Variants in PID1 observed in about 807,000 individuals in gnomAD.
PID1 encodes phosphotyrosine interaction domain containing 1, also known as PTB-containing, cubilin and LRP1-interacting protein.
PID1 carries 10 observed loss-of-function variants against 19.1 expected under a neutral mutation model. The observed-to-expected ratio is 0.52, with a 90% CI of 0.32 to 0.89. The LOEUF (loss-of-function observed/expected upper bound fraction) is 0.89, where lower values mean the gene tolerates loss of function less well. Ranked by LOEUF, PID1 falls within the 40% of genes least tolerant of loss-of-function variation. PID1 has a pLI of 0.03. For missense variants in PID1, 248 were observed against 285.3 expected (o/e 0.87, Z 0.94); for synonymous variants, 130 against 116.0 (o/e 1.12, Z -0.78).
At chr2:229,083,140 T>A (rs908818216) in intron 2 of PID1, among the ~76,000 whole-genome samples, 14 of 152,220 alleles carry the variant, frequency 9.2e-5, no homozygotes, top group African/African-American at 3.1e-4. Flanking sequence ...AGGAACAATC[T>A]TTTCCCTGCT....
chr2:229,099,536 G>C (rs1317409995), intron 2 of PID1, among the ~76,000 whole-genome samples: 1 of 152,106 alleles, frequency 6.6e-6, no homozygotes, highest in East Asian at 1.9e-4. Flanking sequence ...TATTTGATTA[G>C]AACTTGGGGT....
intron 2 of PID1, among the ~76,000 whole-genome samples, chr2:229,116,072 A>C (rs1695405958): frequency 6.6e-6 from 1 of 151,958 alleles, no homozygotes; most frequent in Admixed American, 6.6e-5. Flanking sequence ...AAATACAAAA[A>C]AAAAATTAGC....
At chr2:229,026,756 T>C (rs781459340) in intron 2 of PID1, among the ~76,000 whole-genome samples, 1 of 152,218 alleles carries the variant, frequency 6.6e-6, no homozygotes, top group Non-Finnish European at 1.5e-5. Flanking sequence ...CATCTGTTGA[T>C]CTGATAATAA....
intron 2 of PID1, among the ~76,000 whole-genome samples, chr2:229,079,903 T>C (rs1204545950): frequency 6.6e-6 from 1 of 152,122 alleles, no homozygotes; most frequent in East Asian, 1.9e-4. Flanking sequence ...GTTGAAGCCA[T>C]GGCAGGGGAG....
intron 1 of PID1, among the ~76,000 whole-genome samples, chr2:229,266,839 A>G (rs1349201564): frequency 6.6e-6 from 1 of 152,256 alleles, no homozygotes; most frequent in East Asian, 1.9e-4. Context: ...GCAGGTTACT[A>G]GTATCTTCCC....
chr2:229,161,810 G>A (rs1171782325), intron 1 of PID1, among the ~76,000 whole-genome samples: 1 of 152,224 alleles, frequency 6.6e-6, no homozygotes, highest in African/African-American at 2.4e-5. Context: ...CTGGATAACA[G>A]AGTCCTATAT....
intron 1 of PID1, among the ~76,000 whole-genome samples, chr2:229,217,797 T>G (rs920849650): frequency 1.3e-5 from 2 of 152,258 alleles, no homozygotes; most frequent in Non-Finnish European, 2.9e-5. Context: ...CTGCTTCTCA[T>G]GGCATTCCAA....
chr2:229,057,797 G>A (rs759733539), intron 2 of PID1, among the ~76,000 whole-genome samples: 19 of 152,096 alleles, frequency 1.2e-4, no homozygotes, highest in Non-Finnish European at 2.5e-4. Context: ...ACATACCTAT[G>A]AATAATTCTC....
intron 2 of PID1, among the ~76,000 whole-genome samples, chr2:229,031,427 C>T (rs1553553021): frequency 6.6e-6 from 1 of 150,896 alleles, no homozygotes; most frequent in Non-Finnish European, 1.5e-5. Flanking sequence ...TGTGGTGGTG[C>T]ACGCCTGTAG....
chr2:229,112,193 T>C (rs1695312539), intron 2 of PID1, among the ~76,000 whole-genome samples: 1 of 152,222 alleles, frequency 6.6e-6, no homozygotes, highest in South Asian at 2.1e-4. Flanking sequence ...CCACATAAAC[T>C]TTGTATTATT....
intron 1 of PID1, among the ~76,000 whole-genome samples, chr2:229,187,369 A>T (rs1691155018): frequency 6.6e-6 from 1 of 152,186 alleles, no homozygotes; most frequent in Non-Finnish European, 1.5e-5. Flanking sequence ...TTTACAAAAG[A>T]AAGAGGTTTA....
At chr2:229,117,194 C>T (rs970354368) in intron 2 of PID1, among the ~76,000 whole-genome samples, 3 of 152,144 alleles carry the variant, frequency 2.0e-5, no homozygotes, top group African/African-American at 7.2e-5. Context: ...CAAAATATAA[C>T]TCTTGTACCA....
intron 2 of PID1, among the ~76,000 whole-genome samples, chr2:229,043,042 G>A (rs1240159178): frequency 6.7e-6 from 1 of 148,170 alleles, no homozygotes; most frequent in Non-Finnish European, 1.5e-5. Context: ...GTCTTGTTCT[G>A]TCTCCCAGGC....
At position 229,025,342 on chromosome 2, in the gene PID1, G is replaced by T; in HGVS notation, c.*290C>A. The T allele has an allele frequency of 2.6e-6, 1 of 379,384 alleles. No individual in the cohort carries two copies. Among genetic ancestry groups the T allele is most frequent in the Non-Finnish European group, 4.9e-6 (1 of 205,918 alleles). The allele number at this position is 379,384 out of a possible 1,614,324, so 23.5% of individuals were successfully genotyped here. A position where few individuals can be genotyped will look rare whatever the true frequency, so the allele number is the denominator to read the frequency against. ...TGAGCGTGGTGAAAACTGGCATGGA[G>T]CTCTCCCACAGAGAGGCATTGGGAA... On this transcript the variant is annotated 3_prime_UTR_variant, in exon 3 of 3. Transcript: ENST00000392055.
chr2:229,233,596 A>G lies in PID1; in HGVS notation c.30+37418T>C, dbSNP rs534264279. Reference sequence around the variant, plus strand: ...AACCTCCACCTCCCGGGTTCAAGCGATTCTCTTGCCTCAGTCTCCCAGGTA... The same window carrying G: ...AACCTCCACCTCCCGGGTTCAAGCGGTTCTCTTGCCTCAGTCTCCCAGGTA... On this transcript the variant is annotated intron_variant, in intron 1 of 2. Coordinates refer to ENST00000392055, the MANE Select transcript of PID1 (RefSeq NM_001100818.2). 4.0e-5 allele frequency among the ~76,000 whole-genome samples: 6 copies of G among 151,360 alleles called. No homozygotes were observed. The East Asian group carries it at 1.2e-3, about 30-fold the overall frequency.
At chr2:229,029,394 T>C (rs1693497389) in intron 2 of PID1, among the ~76,000 whole-genome samples, 1 of 150,764 alleles carries the variant, frequency 6.6e-6, no homozygotes, top group Non-Finnish European at 1.5e-5. Flanking sequence ...AAATACCACT[T>C]CGCACCTGTT....
chr2:229,081,628 G>A (rs1014359720), intron 2 of PID1, among the ~76,000 whole-genome samples: 1 of 152,174 alleles, frequency 6.6e-6, no homozygotes, highest in Non-Finnish European at 1.5e-5. Flanking sequence ...GGTGCAATAT[G>A]AGACGCTCTA....
At chr2:229,244,376 G>A (rs1689948854) in intron 1 of PID1, among the ~76,000 whole-genome samples, 1 of 152,058 alleles carries the variant, frequency 6.6e-6, no homozygotes, top group Non-Finnish European at 1.5e-5. Context: ...GTGAAAACTA[G>A]AACTAGGAAT....
intron 1 of PID1, among the ~76,000 whole-genome samples, chr2:229,158,751 T>C (rs1019096431): frequency 6.6e-6 from 1 of 152,174 alleles, no homozygotes; most frequent in African/African-American, 2.4e-5. Flanking sequence ...ACAAGTACCT[T>C]CGCCTCAGTA....
Sources: allele counts gnomAD v4.1 joint callset (sites outside exome capture counted in the v4.1 genomes callset), GRCh38; gene constraint gnomAD v4.1.1; transcripts MANE v1.5; gene names NCBI Gene and HGNC (gene_info 2026-07-23, HGNC 2026-07-21).